Variants in AMOTL1 observed in about 807,000 individuals in gnomAD.
AMOTL1 encodes the protein angiomotin like 1.
Under a neutral mutation model 102.9 loss-of-function variants are expected in AMOTL1, and 45 were observed. The observed-to-expected ratio is 0.44, with a 90% CI of 0.34 to 0.56. The LOEUF is 0.56. Ranked by LOEUF, AMOTL1 falls within the 20% of genes least tolerant of loss-of-function variation. AMOTL1 has a pLI of 0.01. For synonymous variants in AMOTL1, 481 were observed against 484.7 expected (o/e 0.99, Z 0.10); for missense variants, 1,114 against 1,225.6 (o/e 0.91, Z 1.36).
At chr11:94,848,052 C>T (rs181438884) in intron 6 of AMOTL1, among the ~76,000 whole-genome samples, 29 of 152,264 alleles carry the variant, frequency 1.9e-4, no homozygotes, top group African/African-American at 5.1e-4. Context: ...TGAGTGCCCT[C>T]CAGAGCTTGG....
intron 3 of AMOTL1, among the ~76,000 whole-genome samples, chr11:94,752,651 G>A (rs1207843550): frequency 5.9e-5 from 9 of 152,230 alleles, no homozygotes; most frequent in Non-Finnish European, 1.2e-4. Context: ...CTGATGGTAA[G>A]ACTTATTAAC....
intron 2 of AMOTL1, among the ~76,000 whole-genome samples, chr11:94,732,953 C>G (rs1194076424): frequency 6.6e-6 from 1 of 152,198 alleles, no homozygotes; most frequent in East Asian, 1.9e-4. Flanking sequence ...AGTTTTAACA[C>G]TGGTCAAGGA....
intron 1 of AMOTL1, among the ~76,000 whole-genome samples, chr11:94,714,043 C>G (rs1950057957): frequency 1.3e-5 from 2 of 152,078 alleles, no homozygotes; most frequent in Admixed American, 6.5e-5. Flanking sequence ...GGTTCTTGAT[C>G]AAGCTGAGGA....
intron 1 of AMOTL1, 46 bp downstream of exon 1, chr11:94,768,606 C>T (rs992751167): frequency 1.9e-5 from 30 of 1,564,130 alleles, no homozygotes; most frequent in Non-Finnish European, 2.4e-5. Flanking sequence ...CTCCGAGTCT[C>T]CCACGCGAAG....
At chr11:94,796,375 C>T (rs578085528) in intron 2 of AMOTL1, among the ~76,000 whole-genome samples, 9 of 152,240 alleles carry the variant, frequency 5.9e-5, no homozygotes, top group South Asian at 2.1e-4. Context: ...ATGTCCTGAA[C>T]GCCTTCTGTG....
intron 3 of AMOTL1, among the ~76,000 whole-genome samples, chr11:94,809,486 G>A (rs1226077680): frequency 6.6e-6 from 1 of 152,176 alleles, no homozygotes; most frequent in East Asian, 1.9e-4. Flanking sequence ...TGCATTCCGT[G>A]GTGCTGGATC....
At chr11:94,858,570 CA>C (rs1477553578) in intron 8 of AMOTL1, among the ~76,000 whole-genome samples, 1 of 152,128 alleles carries the variant, frequency 6.6e-6, no homozygotes, top group Non-Finnish European at 1.5e-5. Context: ...CCCAGCTCTG[CA>C]TTTAAAATTT....
rs77127753 is a variant in AMOTL1, at chr11:94,869,461, G to A, written c.2752G>A (p.Ala918Thr). The stretch of plus-strand genomic sequence containing the variant: ...GAAACACCCAGCGGCCAAAGGGACC[G>A]CAGAGAAACTGGGTATGTGGGCTAC... ...VLKHPAAKGT[A>T]EKLENSPGHG... Residue 918 changes from alanine to threonine, a missense_variant, in exon 12 of 13, where the codon GCA becomes ACA. Physicochemically the swap from Ala to Thr is moderately conservative, Grantham distance 58 (BLOSUM62 0). Coordinates refer to ENST00000433060, the MANE Select transcript of AMOTL1 (RefSeq NM_130847.3). The A allele has an allele frequency of 1.5e-4, 244 of 1,599,490 alleles. 1 individual carries two copies. The African/African-American group carries it at 2.4e-3, about 16-fold the overall frequency.
At chr11:94,847,522 T>A (rs556610192) in intron 6 of AMOTL1, among the ~76,000 whole-genome samples, 93 of 152,108 alleles carry the variant, frequency 6.1e-4, no homozygotes, top group Non-Finnish European at 1.3e-3. Flanking sequence ...ATCATCGTCA[T>A]CAACAGCATC....
At chr11:94,777,760 C>T (rs1951045921) in intron 1 of AMOTL1, among the ~76,000 whole-genome samples, 1 of 152,182 alleles carries the variant, frequency 6.6e-6, no homozygotes, top group Non-Finnish European at 1.5e-5. Flanking sequence ...GGGAGCATGA[C>T]ATTTCTTATT....
chr11:94,875,730 T>TA lies in AMOTL1; in HGVS notation c.*4942dup, dbSNP rs1285955531. ...AGGTAAGTTACACCATTTTTGTTTCTAAAAAAATCCCTAAGAAATTTCTTG... is the reference window on the plus strand; with the variant it reads ...AGGTAAGTTACACCATTTTTGTTTCTAAAAAAAATCCCTAAGAAATTTCTTG... On this transcript the variant is annotated 3_prime_UTR_variant, in exon 13 of 13. Transcript: ENST00000433060. 1.3e-5 allele frequency: 2 copies of TA among 152,188 alleles called. No homozygotes were observed. The highest frequency in any genetic ancestry group is 2.4e-5 in the African/African-American group (1 of 41,444). The allele number at this position is 152,188 out of a possible 1,614,324, so 9.4% of individuals were successfully genotyped here. A position where few individuals can be genotyped will look rare whatever the true frequency, so the allele number is the denominator to read the frequency against.
rs759857824 is a variant in AMOTL1, at chr11:94,806,955, G to A, written c.1121+6644G>A. On this transcript the variant is annotated intron_variant, in intron 3 of 12. Transcript: ENST00000433060. ...GGTTTGGGTTCTGGCTCTTCCTTCC[G>A]GTAGCAAATTGCATAAGTTCTCAGA... Among the ~76,000 whole-genome samples, 120 of 152,194 alleles carry A rather than the reference G, an allele frequency of 7.9e-4. 2 individuals are homozygous for A. The highest frequency in any genetic ancestry group is 1.9e-3 in the South Asian group (9 of 4,818).
intron 1 of AMOTL1, among the ~76,000 whole-genome samples, chr11:94,782,908 T>C (rs1196360815): frequency 6.6e-6 from 1 of 152,256 alleles, no homozygotes; most frequent in African/African-American, 2.4e-5. Flanking sequence ...TTTAAAACTT[T>C]TTTTTCATAA....
At chr11:94,814,994 T>G (rs1400702519) in intron 3 of AMOTL1, among the ~76,000 whole-genome samples, 1 of 152,202 alleles carries the variant, frequency 6.6e-6, no homozygotes, top group Admixed American at 6.5e-5. Flanking sequence ...CAGCAAACAT[T>G]TATTGAACAC....
chr11:94,778,993 C>A (rs1009483676), intron 1 of AMOTL1, among the ~76,000 whole-genome samples: 1 of 152,060 alleles, frequency 6.6e-6, no homozygotes, highest in South Asian at 2.1e-4. Flanking sequence ...TTGGAAGTCA[C>A]GTAGGGTTAC....
intron 1 of AMOTL1, chr11:94,728,900 TA>T: frequency 8.9e-7 from 1 of 1,124,686 alleles, no homozygotes; most frequent in East Asian, 5.8e-5. Flanking sequence ...ATCCCTTTTT[TA>T]TATTCATTAT....
chr11:94,848,021 G>T (rs544378071), intron 6 of AMOTL1, among the ~76,000 whole-genome samples: 1 of 152,290 alleles, frequency 6.6e-6, no homozygotes, highest in East Asian at 1.9e-4. Flanking sequence ...TTCATCTCCA[G>T]GATGCCTGCT....
chr11:94,788,387 C>T (rs1951227664), intron 1 of AMOTL1, among the ~76,000 whole-genome samples: 1 of 152,200 alleles, frequency 6.6e-6, no homozygotes, highest in African/African-American at 2.4e-5. Flanking sequence ...AAAGAGACAA[C>T]ACTTTCATAA....
chr11:94,757,365 G>A lies in AMOTL1; in HGVS notation c.136+16377G>A, dbSNP rs150804662. On this transcript the variant is annotated intron_variant, in intron 3 of 4. Coordinates refer to the AMOTL1 transcript ENST00000299004. The stretch of plus-strand genomic sequence containing the variant: ...CACCGCTTATGAAATGAGGAAAAAC[G>A]GCTTTACAGAAGTTAAGTCGTTCAG... Among the ~76,000 whole-genome samples the A allele has an allele frequency of 4.0e-3, 614 of 152,162 alleles. 13 individuals carry two copies. Among genetic ancestry groups the A allele is most frequent in the South Asian group, 0.034 (165 of 4,804 alleles).
Sources: gnomAD v4.1 joint callset for allele counts (sites outside exome capture counted in the v4.1 genomes callset) on GRCh38, gnomAD v4.1.1 for gene constraint, MANE v1.5 for transcripts, NCBI Gene and HGNC (gene_info 2026-07-23, HGNC 2026-07-21) for gene names.